PC: variants seen among roughly 807,000 people sequenced by gnomAD.
PC encodes pyruvate carboxylase, mitochondrial.
PC carries 46 observed loss-of-function variants against 107.8 expected under a neutral mutation model. The observed-to-expected ratio is 0.43, with a 90% CI of 0.34 to 0.55. The LOEUF is 0.55. Among genes scored for constraint, PC ranks in the 20% least tolerant of loss-of-function variants. The pLI, the probability that PC is intolerant of heterozygous loss-of-function variation, is 0.04. For missense variants in PC, 1,241 were observed against 1,643.1 expected, an observed-to-expected ratio of 0.76 and a Z score of 4.23; for synonymous variants, 662 against 684.7, an observed-to-expected ratio of 0.97 and a Z score of 0.52.
chr11:66,870,606 G>A lies in PC; in HGVS notation c.752-153C>T, dbSNP rs114092976. Among the ~76,000 whole-genome samples the A allele has an allele frequency of 9.2e-3, 1,405 of 152,284 alleles. 26 individuals are homozygous for A. Among genetic ancestry groups the A allele is most frequent in the African/African-American group, 0.031 (1,297 of 41,564 alleles). ...GAGACACCAGCATCACCAAGGCTGT[G>A]AGGACCAACTGCCAGCTCGGCCCCT... On this transcript the variant is annotated intron_variant, in intron 8 of 22. Transcript: ENST00000393960. The surrounding 1 kb of genome is among the most constrained non-coding windows in gnomAD (Gnocchi z 6.1).
At chr11:66,930,201 A>G (rs1229977708) in intron 3 of PC, among the ~76,000 whole-genome samples, 1 of 152,080 alleles carries the variant, frequency 6.6e-6, no homozygotes, top group African/African-American at 2.4e-5. Context: ...GTAGAAAAAC[A>G]AAAAACTCCC....
intron 11 of PC, among the ~76,000 whole-genome samples, chr11:66,865,532 C>T (rs557857386): frequency 3.9e-4 from 59 of 152,308 alleles, no homozygotes; most frequent in African/African-American, 1.3e-3. Context: ...GACTGGGTCC[C>T]GGTGCTGAGA....
intron 12 of PC, among the ~76,000 whole-genome samples, chr11:66,862,630 C>A (rs1013891891): frequency 6.6e-6 from 1 of 152,256 alleles, no homozygotes; most frequent in Admixed American, 6.5e-5. Flanking sequence ...TCCGGCTCTT[C>A]TTGCCATTCT....
At chr11:66,918,836 C>A (rs1203007940) in intron 3 of PC, among the ~76,000 whole-genome samples, 2 of 152,258 alleles carry the variant, frequency 1.3e-5, no homozygotes, top group African/African-American at 4.8e-5. Context: ...AAAGCAGAGC[C>A]CCAGCCCAGT....
At position 66,850,936 on chromosome 11, in the gene PC, G is replaced by GGAGAGA. The variant is rs139065746; in HGVS notation, c.2224-19_2224-14dup. On this transcript the variant is annotated splice_polypyrimidine_tract_variant and intron_variant, in intron 17 of 22. Coordinates refer to ENST00000393960, the MANE Select transcript of PC (RefSeq NM_001040716.2). ...GCCCGGCCATGTCCTGGGGGAAGTG[G>GGAGAGA]GAGAGAGAGAGAGAGAGATGGTAGA... 5 of 1,551,644 alleles carry GGAGAGA rather than the reference G, an allele frequency of 3.2e-6. No homozygotes were observed. Among genetic ancestry groups the GGAGAGA allele is most frequent in the Non-Finnish European group, 4.4e-6 (5 of 1,139,250 alleles).
chr11:66,892,784 C>G (rs889597118), intron 3 of PC, among the ~76,000 whole-genome samples: 9 of 151,656 alleles, frequency 5.9e-5, no homozygotes, highest in African/African-American at 2.2e-4. Context: ...GAACCCAGGA[C>G]GTGGAGGTTG....
At chr11:66,880,451 C>G (rs940237370) in intron 3 of PC, among the ~76,000 whole-genome samples, 2 of 152,166 alleles carry the variant, frequency 1.3e-5, no homozygotes, top group African/African-American at 4.8e-5. Flanking sequence ...GAAGGAACCC[C>G]TGCAGCTGGA....
Position 66,871,929 on chromosome 11 carries a change from G to T in PC, c.137-58C>A. The T allele has an allele frequency of 6.3e-7, 1 of 1,582,158 alleles. No homozygotes were observed. Among genetic ancestry groups the T allele is most frequent in the South Asian group, 1.1e-5 (1 of 87,374 alleles). ...TAGGTCCTAGGAGAAGCAGAAAGGG[G>T]AGTGGGAAGCCAGGGCCTGGGGCAG... On this transcript the variant is annotated intron_variant, in intron 4 of 22. Transcript: ENST00000393960. This position sits in a 1 kb window ranked among gnomAD's most constrained non-coding sequence, Gnocchi z 7.4.
chr11:66,872,137 T>C lies in PC; in HGVS notation c.23A>G (p.His8Arg), dbSNP rs1163850014. 18 of 1,582,074 alleles carry C rather than the reference T, an allele frequency of 1.1e-5. No individual in the cohort carries two copies. The highest frequency in any genetic ancestry group is 2.3e-5 in the South Asian group (2 of 86,318). Reference sequence around the variant, plus strand: ...GATTCCCAGGAGCCTCAGGCCCCCATGGACTGTTCGGAACTTCAGCATCTA... The same window carrying C: ...GATTCCCAGGAGCCTCAGGCCCCCACGGACTGTTCGGAACTTCAGCATCTA... Reference protein sequence around the residue: MLKFRTVHGGLRLLGIRR... With the variant: MLKFRTVRGGLRLLGIRR... The change falls in exon 4 of 23, where the codon CAT becomes CGT. Residue 8 changes from histidine (H) to arginine (R), a missense_variant. Coordinates refer to ENST00000393960, the MANE Select transcript of PC (RefSeq NM_001040716.2).
At chr11:66,869,722 G>A (rs911187898) in intron 9 of PC, among the ~76,000 whole-genome samples, 3 of 152,178 alleles carry the variant, frequency 2.0e-5, no homozygotes, top group Admixed American at 2.0e-4. Context: ...GCAGGACCCC[G>A]CTGCACACCT....
intron 3 of PC, among the ~76,000 whole-genome samples, chr11:66,909,473 G>A (rs1173222952): frequency 6.6e-6 from 1 of 152,186 alleles, no homozygotes; most frequent in Non-Finnish European, 1.5e-5. Flanking sequence ...GCCTGAGAGT[G>A]GGGTCACAGC....
intron 3 of PC, among the ~76,000 whole-genome samples, chr11:66,935,348 G>A (rs1948969892): frequency 6.6e-6 from 1 of 152,190 alleles, no homozygotes; most frequent in African/African-American, 2.4e-5. Flanking sequence ...GCAACCAGTT[G>A]GAATGGGGCA....
In PC at chr11:66,863,788, C is replaced by T. The variant is rs779387492; in HGVS notation, c.1354G>A (p.Val452Ile). The change falls in exon 12 of 23, where the codon GTC (valine) becomes ATC (isoleucine). Residue 452 changes from valine (V) to isoleucine (I), a missense_variant. Val to Ile is a conservative substitution (Grantham distance 29). Transcript: ENST00000393960. ...KMSRALAEFR[V>I]RGVKTNIAFL... ...CAGCCTCTCACCTTCACACCTCGGA[C>T]GCGGAACTCCGCAAGGGCCCTGCTC... is the stretch of plus-strand genomic sequence containing the variant. The T allele has an allele frequency of 4.2e-5, 68 of 1,611,154 alleles. No homozygotes were observed. The highest frequency in any genetic ancestry group is 1.7e-4 in the Middle Eastern group (1 of 6,046).
chr11:66,919,146 T>G (rs961072839), intron 3 of PC, among the ~76,000 whole-genome samples: 4 of 152,206 alleles, frequency 2.6e-5, no homozygotes, highest in Non-Finnish European at 5.9e-5. Flanking sequence ...CCAGGTGCGG[T>G]GGCTCAGGCT....
chr11:66,894,167 C>T (rs1947669556), intron 3 of PC, among the ~76,000 whole-genome samples: 1 of 152,126 alleles, frequency 6.6e-6, no homozygotes. Context: ...AATTCTCTGA[C>T]TCCCCACTGT....
At chr11:66,882,912 A>C (rs1057116319) in intron 3 of PC, among the ~76,000 whole-genome samples, 10 of 152,214 alleles carry the variant, frequency 6.6e-5, no homozygotes. Flanking sequence ...ACTGAGGCTG[A>C]GATTTCTGGG....
chr11:66,894,577 A>T (rs1156477750), intron 3 of PC, among the ~76,000 whole-genome samples: 1 of 152,256 alleles, frequency 6.6e-6, no homozygotes, highest in Non-Finnish European at 1.5e-5. Context: ...CTGACCTCAC[A>T]GCCTGGGTCT....
rs1233044534 is a variant in PC, at chr11:66,849,221, A to T, written c.3288+9T>A. The T allele has an allele frequency of 1.3e-5, 21 of 1,613,562 alleles. No individual in the cohort carries two copies. Among genetic ancestry groups the T allele is most frequent in the Non-Finnish European group, 1.8e-5 (21 of 1,180,018 alleles). ...CCCACCGCCTGGCTGGCCCTGGGGG[A>T]GACAATACCTTCATGGCCTGGGTGT... On this transcript the variant is annotated intron_variant, in intron 22 of 22. Coordinates refer to ENST00000393960, the MANE Select transcript of PC (RefSeq NM_001040716.2).
At chr11:66,884,159 G>A (rs527242571) in intron 3 of PC, among the ~76,000 whole-genome samples, 13 of 151,854 alleles carry the variant, frequency 8.6e-5, no homozygotes, top group Non-Finnish European at 1.5e-4. Context: ...CAGGAAAATC[G>A]CTTGAACGTG....
Sources: gnomAD v4.1 joint callset for allele counts (sites outside exome capture counted in the v4.1 genomes callset) on GRCh38, gnomAD v4.1.1 for gene constraint, Gnocchi (gnomAD v3.1) non-coding constraint, MANE v1.5 for transcripts, NCBI Gene and HGNC (gene_info 2026-07-23, HGNC 2026-07-21) for gene names.